The following AGXT2 variants were observed in gnomAD, a reference collection of about 807,000 sequenced individuals.
The protein encoded by AGXT2 is alanine--glyoxylate aminotransferase 2.
A neutral mutation model predicts 62.5 loss-of-function variants in AGXT2; 61 were observed. That is an observed-to-expected ratio of 0.98 (90% confidence interval 0.79 to 1.21). AGXT2 has a LOEUF of 1.21. Among genes scored for constraint, AGXT2 ranks in the 50% most tolerant of loss-of-function variants. AGXT2 has a pLI of 0.00. For missense variants in AGXT2, 666 were observed against 641.5 expected (o/e 1.04, Z -0.41); for synonymous variants, 243 against 218.7 (o/e 1.11, Z -0.98).
intron 10 of AGXT2, 128 bp from the exon 11 acceptor site, chr5:35,013,173 C>T: frequency 1.2e-6 from 1 of 831,506 alleles, no homozygotes; most frequent in African/African-American, 1.7e-5. Context: ...CTTCATTCAA[C>T]TGATAGTAGA....
Position 34,998,600 on chromosome 5 carries a change from C to T in AGXT2, c.*119G>A. 1.3e-6 allele frequency: 1 copy of T among 796,108 alleles called. No homozygotes were observed. The highest frequency in any genetic ancestry group is 2.6e-5 in the East Asian group (1 of 37,844). The allele number at this position is 796,108 out of a possible 1,614,324, so 49.3% of individuals were successfully genotyped here. On this transcript the variant is annotated 3_prime_UTR_variant, in exon 14 of 14. Transcript: ENST00000231420. The stretch of plus-strand genomic sequence containing the variant: ...AGGCAGTCAACCATGACTTTTACAG[C>T]TCCTGTGGAGAGCTGCAGGCTTTCT...
intron 1 of AGXT2, among the ~76,000 whole-genome samples, chr5:35,042,585 C>T (rs1768025313): frequency 6.6e-6 from 1 of 151,674 alleles, no homozygotes; most frequent in African/African-American, 2.4e-5. Flanking sequence ...TTATTATTTG[C>T]CAGAAAAAAA....
At chr5:35,039,995 T>G (rs1767922911) in intron 2 of AGXT2, among the ~76,000 whole-genome samples, 1 of 152,192 alleles carries the variant, frequency 6.6e-6, no homozygotes, top group Non-Finnish European at 1.5e-5. Context: ...CTACAATTTC[T>G]AACCTGTAAG....
chr5:35,016,485 A>T (rs1229293375), intron 9 of AGXT2, among the ~76,000 whole-genome samples: 1 of 152,204 alleles, frequency 6.6e-6, no homozygotes. Context: ...ACAGTATTGT[A>T]ACCTGACCAA....
At chr5:35,013,795 A>G (rs1766735633) in intron 10 of AGXT2, among the ~76,000 whole-genome samples, 192 bp downstream of exon 10, 1 of 145,726 alleles carries the variant, frequency 6.9e-6, no homozygotes. Flanking sequence ...AAAAAAAAAA[A>G]AAAAAGGGCT....
At chr5:35,034,306 T>A (rs1330744282) in intron 5 of AGXT2, among the ~76,000 whole-genome samples, 2 of 152,148 alleles carry the variant, frequency 1.3e-5, no homozygotes, top group Non-Finnish European at 1.5e-5. Flanking sequence ...ACTTAATACT[T>A]ACCTCGACAC....
chr5:35,047,784 G>A (rs371491139), intron 1 of AGXT2, 21 bp downstream of exon 1: 90 of 1,613,394 alleles, frequency 5.6e-5, no homozygotes, highest in Middle Eastern at 3.3e-4. Context: ...ACTGACCCAC[G>A]TCCCCCTGGT....
At chr5:35,024,304 A>G (rs995977165) in intron 9 of AGXT2, among the ~76,000 whole-genome samples, 2 of 152,262 alleles carry the variant, frequency 1.3e-5, no homozygotes, top group African/African-American at 4.8e-5. Flanking sequence ...TGGTCTAACC[A>G]CCTGTTAGTC....
rs150835438 is a variant in AGXT2, at chr5:35,039,450, G to A, written c.236C>T (p.Thr79Met). Residue 79 changes from threonine (T) to methionine (M), a missense_variant, in exon 3 of 14, where the codon ACG becomes ATG. By Grantham distance (81) the Thr-to-Met change is moderately conservative. Transcript: ENST00000231420. ...IHKEHLSPVV[T>M]AYFQKPLLLH... is the part of the protein sequence containing the mutation. ...CAGCAGGGGTTTCTGGAAATATGCC[G>A]TCACCACAGGAGAAAGATGTTCCTT... 130 of 1,614,026 alleles carry A rather than the reference G, an allele frequency of 8.1e-5. 1 individual carries two copies. Among genetic ancestry groups the A allele is most frequent in the African/African-American group, 2.4e-4 (18 of 75,028 alleles).
At chr5:35,035,937 TGTG>T (rs1767750360) in intron 4 of AGXT2, among the ~76,000 whole-genome samples, 1 of 151,842 alleles carries the variant, frequency 6.6e-6, no homozygotes, top group South Asian at 2.1e-4. Flanking sequence ...ATTAGCCAGG[TGTG>T]GTGGTGGGCA....
At position 35,046,771 on chromosome 5, in the gene AGXT2, T is replaced by C. The variant is rs145053689; in HGVS notation, c.88+1034A>G. On this transcript the variant is annotated intron_variant, in intron 1 of 13. Coordinates refer to ENST00000231420, the MANE Select transcript of AGXT2 (RefSeq NM_031900.4). Reference sequence around the variant, plus strand: ...GCAAAGTTGGTCACAATGGGGAATGTAAAATGGTCCCCTGTACCTGTTTAC... The same window carrying C: ...GCAAAGTTGGTCACAATGGGGAATGCAAAATGGTCCCCTGTACCTGTTTAC... Among the ~76,000 whole-genome samples the C allele has an allele frequency of 7.1e-3, 1,075 of 152,226 alleles. 14 individuals are homozygous for C. The highest frequency in any genetic ancestry group is 0.025 in the African/African-American group (1,034 of 41,522).
chr5:35,044,360 G>A lies in AGXT2; in HGVS notation c.88+3445C>T, dbSNP rs568907720. On this transcript the variant is annotated intron_variant, in intron 1 of 13. Transcript: ENST00000231420. ...TCGTTTTCTCTTCACACATGGGGCC[G>A]CAGTCTGCAGCACGCTGCTGAGGAC... Among the ~76,000 whole-genome samples, 4 of 152,266 alleles carry A rather than the reference G, an allele frequency of 2.6e-5. No homozygotes were observed. The South Asian group carries it at 8.3e-4, about 32-fold the overall frequency.
At chr5:35,014,434 C>CA (rs1766768234) in intron 9 of AGXT2, among the ~76,000 whole-genome samples, 1 of 115,978 alleles carries the variant, frequency 8.6e-6, no homozygotes. Context: ...GCCTGAGTGA[C>CA]AGGGTGAGAC....
intron 13 of AGXT2, among the ~76,000 whole-genome samples, chr5:35,001,787 C>T (rs919597419): frequency 2.7e-5 from 4 of 148,896 alleles, no homozygotes; most frequent in Admixed American, 1.3e-4. Context: ...ATTCTGCTAC[C>T]CAGAAAGCCT....
intron 7 of AGXT2, among the ~76,000 whole-genome samples, chr5:35,032,371 G>A (rs991814105): frequency 6.6e-6 from 1 of 152,148 alleles, no homozygotes; most frequent in Non-Finnish European, 1.5e-5. Context: ...GGGACTACAG[G>A]CATGCCACCA....
chr5:35,045,289 C>T (rs983626998), intron 1 of AGXT2, among the ~76,000 whole-genome samples: 4 of 152,098 alleles, frequency 2.6e-5, no homozygotes, highest in African/African-American at 9.7e-5. Context: ...GCATATAAAA[C>T]AACACTTAAA....
At chr5:35,046,418 G>A (rs975166955) in intron 1 of AGXT2, among the ~76,000 whole-genome samples, 2 of 152,190 alleles carry the variant, frequency 1.3e-5, no homozygotes, top group African/African-American at 2.4e-5. Context: ...AGTCCAAACA[G>A]GATTGGAAGA....
chr5:35,032,845 G>C lies in AGXT2; in HGVS notation c.676-20C>G. 1 of 1,585,254 alleles carries C rather than the reference G, an allele frequency of 6.3e-7. No individual in the cohort carries two copies. The highest frequency in any genetic ancestry group is 8.6e-7 in the Non-Finnish European group (1 of 1,162,756). On this transcript the variant is annotated intron_variant, in intron 6 of 13. Coordinates refer to ENST00000231420, the MANE Select transcript of AGXT2 (RefSeq NM_031900.4). ...CATTGTCTGCAAATGACAAAAGAAG[G>C]AGTGTGGCAAAGCATGAACACAAGA...
At chr5:35,002,732 T>G (rs944727307) in intron 13 of AGXT2, among the ~76,000 whole-genome samples, 1 of 151,862 alleles carries the variant, frequency 6.6e-6, no homozygotes, top group Non-Finnish European at 1.5e-5. Context: ...TGAACTTCTA[T>G]GATGTATAAG....
Sources: allele counts gnomAD v4.1 joint callset (sites outside exome capture counted in the v4.1 genomes callset), GRCh38; gene constraint gnomAD v4.1.1; transcripts MANE v1.5; gene names NCBI Gene and HGNC (gene_info 2026-07-23, HGNC 2026-07-21).